The following ZDBF2 variants were observed in gnomAD, a reference collection of about 807,000 sequenced individuals.
ZDBF2 encodes the protein zinc finger DBF-type containing 2.
ZDBF2 carries 6 observed loss-of-function variants against 9.4 expected under a neutral mutation model. The ratio of observed to expected loss-of-function variants is 0.64; its 90% confidence interval spans 0.35 to 1.27. The LOEUF is 1.27. Among genes scored for constraint, ZDBF2 ranks in the 50% most tolerant of loss-of-function variants. The probability of loss-of-function intolerance (pLI) is 0.03; values close to 1 mark genes in which losing one functional copy is unlikely to be tolerated. For synonymous variants in ZDBF2, 905 were observed against 946.3 expected (o/e 0.96, Z 0.80); for missense variants, 2,697 against 2,766.8 (o/e 0.97, Z 0.57).
intron 3 of ZDBF2, among the ~76,000 whole-genome samples, chr2:206,288,323 C>T (rs1197846650): frequency 6.6e-6 from 1 of 152,174 alleles, no homozygotes. Context: ...TCAGTTTCTT[C>T]AGCTGTGTTC....
chr2:206,290,382 T>C (rs1468842193), intron 3 of ZDBF2, among the ~76,000 whole-genome samples: 1 of 152,220 alleles, frequency 6.6e-6, no homozygotes, highest in African/African-American at 2.4e-5. Flanking sequence ...TGTTAGTTTC[T>C]GCAGAAAAGC....
Position 206,310,373 on chromosome 2 carries a change from A to G in ZDBF2, c.5845A>G (p.Ser1949Gly). 1 of 1,613,938 alleles carries G rather than the reference A, an allele frequency of 6.2e-7. No homozygotes were observed. Among genetic ancestry groups the G allele is most frequent in the East Asian group, 2.2e-5 (1 of 44,880 alleles). ...TAKISHSTQT[S>G]CKNYPVMKRK... ...GAAAATCAGCCATAGTACTCAGACCAGTTGTAAGAATTACCCAGTGATGAA... is the reference window on the plus strand; with the variant it reads ...GAAAATCAGCCATAGTACTCAGACCGGTTGTAAGAATTACCCAGTGATGAA... The change falls in exon 5 of 5, where the codon AGT (serine) becomes GGT (glycine). Residue 1949 changes from serine (S) to glycine (G), a missense_variant. Physicochemically the swap from Ser to Gly is moderately conservative, Grantham distance 56 (BLOSUM62 0). This residue lies in a region of ZDBF2 where 1,783 missense variants were observed against 1,776.5 expected (regional missense o/e 1.00). Coordinates refer to ENST00000374423, the MANE Select transcript of ZDBF2 (RefSeq NM_020923.3).
intron 1 of ZDBF2, among the ~76,000 whole-genome samples, chr2:206,275,297 G>A (rs1014156767): frequency 6.6e-6 from 1 of 152,036 alleles, no homozygotes; most frequent in African/African-American, 2.4e-5. Context: ...ATTGAGGGCC[G>A]GGAACCCGCG....
In ZDBF2 at chr2:206,293,597, T is replaced by C. The variant is rs191824066; in HGVS notation, c.61-3649T>C. Among the ~76,000 whole-genome samples the C allele has an allele frequency of 8.9e-4, 136 of 152,150 alleles. 1 individual carries two copies. The highest frequency in any genetic ancestry group is 1.0e-4 in the Non-Finnish European group (7 of 67,976). ...AAGTCCATAAGGAAGAGACAGAACA[T>C]CCATTTGAAAAACAGAGAGACTTGA... On this transcript the variant is annotated intron_variant, in intron 3 of 4. Transcript: ENST00000374423.
At chr2:206,302,485 A>T (rs2105942851) in intron 4 of ZDBF2, among the ~76,000 whole-genome samples, 1 of 152,152 alleles carries the variant, frequency 6.6e-6, no homozygotes, top group South Asian at 2.1e-4. Context: ...CCTTCTTGGG[A>T]TTTTACCAGC....
rs1479754610 is a variant in ZDBF2 at position 206,307,594 on chromosome 2, CAG to C, written c.3068_3069del (p.Arg1023LysfsTer11). The C allele has an allele frequency of 1.2e-6, 2 of 1,612,104 alleles. No individual in the cohort carries two copies. Among genetic ancestry groups the C allele is most frequent in the Non-Finnish European group, 1.7e-6 (2 of 1,179,342 alleles). On this transcript the variant is annotated frameshift_variant, in exon 5 of 5. Transcript: ENST00000374423. LOFTEE classifies it low-confidence loss of function (END_TRUNC). ...EPQVAVNKIN[R>X]KKQYVLENKN... Reference sequence around the variant, plus strand: ...CTCAAGTAGCTGTTAACAAAATAAACAGAAAGAAGCAATATGTTCTAGAAAAC... The same window carrying C: ...CTCAAGTAGCTGTTAACAAAATAAACAAAGAAGCAATATGTTCTAGAAAAC...
intron 1 of ZDBF2, among the ~76,000 whole-genome samples, chr2:206,277,254 T>C (rs1218466364): frequency 6.6e-6 from 1 of 151,942 alleles, no homozygotes; most frequent in East Asian, 1.9e-4. Flanking sequence ...GAAATATTTT[T>C]ATCCATGTTT....
In ZDBF2 at chr2:206,306,390, G is replaced by T; in HGVS notation, c.1862G>T (p.Ser621Ile). 1 of 1,613,818 alleles carries T rather than the reference G, an allele frequency of 6.2e-7. No individual in the cohort carries two copies. Among genetic ancestry groups the T allele is most frequent in the East Asian group, 2.2e-5 (1 of 44,878 alleles). ...AAACATAAGAAGCGTAAACCCAGTA[G>T]TGCTAAAGCACATCTTGATTGTGAT... ...HLKHKKRKPS[S>I]AKAHLDCDVS... The change falls in exon 5 of 5, where the codon AGT (serine) becomes ATT (isoleucine). Residue 621 changes from serine to isoleucine, a missense_variant. Physicochemically the swap from Ser to Ile is moderately radical, Grantham distance 142. Around this residue, in one of 3 missense-constraint regions of ZDBF2, gnomAD observed 910 missense variants for 973.6 expected, o/e 0.93. Transcript: ENST00000374423.
intron 1 of ZDBF2, 117 bp from the exon 2 acceptor site, chr2:206,279,423 T>A (rs941964414): frequency 2.6e-5 from 4 of 152,194 alleles, no homozygotes; most frequent in Admixed American, 6.5e-5. Flanking sequence ...AGTTAATATT[T>A]TTTCTTATAT....
Position 206,305,860 on chromosome 2 carries a change from AT to A in ZDBF2, c.1333del (p.Ser445LeufsTer6). 1 of 1,613,002 alleles carries A rather than the reference AT, an allele frequency of 6.2e-7. No homozygotes were observed. The highest frequency in any genetic ancestry group is 8.5e-7 in the Non-Finnish European group (1 of 1,179,432). ...RTDVQYKNNK[S>X]YVSKISSDCD... ...CTGATGTACAGTATAAGAATAATAA[AT>A]CTTATGTTTCTAAAATAAGTTCTGA... On this transcript the variant is annotated frameshift_variant, in exon 5 of 5. Coordinates refer to ENST00000374423, the MANE Select transcript of ZDBF2 (RefSeq NM_020923.3). LOFTEE classifies it low-confidence loss of function (END_TRUNC).
chr2:206,276,581 C>CT (rs1691016026), intron 1 of ZDBF2, among the ~76,000 whole-genome samples: 1 of 152,158 alleles, frequency 6.6e-6, no homozygotes, highest in African/African-American at 2.4e-5. Flanking sequence ...GAGGAAGTGT[C>CT]TAAGTCGTTA....
chr2:206,306,848 C>T lies in ZDBF2; in HGVS notation c.2320C>T (p.Arg774Trp), dbSNP rs544074324. The change falls in exon 5 of 5, where the codon CGG becomes TGG. Residue 774 changes from arginine to tryptophan, a missense_variant. Physicochemically the swap from Arg to Trp is moderately radical, Grantham distance 101. Transcript: ENST00000374423. ...TCATCTGGATGCTGAAGGAAAAGAA[C>T]GGCACATTGACCTGGAAGATGAGAG... The part of the protein sequence containing the change: ...QSHLDAEGKE[R>W]HIDLEDESCE... 2.0e-5 allele frequency: 33 copies of T among 1,613,784 alleles called. 1 individual carries two copies. Among genetic ancestry groups the T allele is most frequent in the South Asian group, 3.3e-5 (3 of 91,086 alleles).
chr2:206,297,187 G>A (rs1457763931), intron 3 of ZDBF2, 59 bp from the exon 4 acceptor site: 6 of 658,246 alleles, frequency 9.1e-6, no homozygotes, highest in East Asian at 6.1e-5. Flanking sequence ...CCATTTTGTC[G>A]AACTCTCACT....
Position 206,307,731 on chromosome 2 carries a change from T to A in ZDBF2, c.3203T>A (p.Leu1068Gln). 1 of 1,613,566 alleles carries A rather than the reference T, an allele frequency of 6.2e-7. No individual in the cohort carries two copies. Among genetic ancestry groups the A allele is most frequent in the South Asian group, 1.1e-5 (1 of 90,978 alleles). ...TTTTTGAAGGAAAAACATGTTAATC[T>A]GAAGGACAAAAACAGTAAATCAGGT... ...LAFLKEKHVN[L>Q]KDKNSKSGDS... is the part of the protein sequence containing the mutation. Residue 1068 changes from leucine to glutamine, a missense_variant, in exon 5 of 5, where the codon CTG becomes CAG. By Grantham distance (113) the Leu-to-Gln change is moderately radical (BLOSUM62 -2). Around this residue, in one of 3 missense-constraint regions of ZDBF2, gnomAD observed 1,783 missense variants for 1,776.5 expected, o/e 1.00. Coordinates refer to ENST00000374423, the MANE Select transcript of ZDBF2 (RefSeq NM_020923.3).
At position 206,309,027 on chromosome 2, in the gene ZDBF2, A is replaced by G. The variant is rs370920231; in HGVS notation, c.4499A>G (p.Tyr1500Cys). Residue 1500 changes from tyrosine to cysteine, a missense_variant, in exon 5 of 5, where the codon TAT becomes TGT. Coordinates refer to ENST00000374423, the MANE Select transcript of ZDBF2 (RefSeq NM_020923.3). ...CAACCTAGTGATTCAGAAATGATGT[A>G]TGATTCTGATGTTCCTTTTCAAATA... is the stretch of plus-strand genomic sequence containing the variant. ...TDQPSDSEMM[Y>C]DSDVPFQIVV... 9 of 1,613,808 alleles carry G rather than the reference A, an allele frequency of 5.6e-6. No homozygotes were observed. In the African/African-American group the frequency reaches 1.1e-4, roughly 19 times the overall value.
chr2:206,281,958 A>G, intron 3 of ZDBF2, 49 bp downstream of exon 3: 1 of 1,460,732 alleles, frequency 6.8e-7, no homozygotes, highest in South Asian at 1.3e-5. Context: ...CCTAGTTGTG[A>G]CTTTCTCTTA....
Position 206,308,563 on chromosome 2 carries a change from C to T in ZDBF2, c.4035C>T (p.His1345=). ...TTCAGTCAGTGATAAAACAACCACA[C>T]ATTTTGGAAGAGGAGCATGCCAGTC... ...IPLQSVIKQP[H]ILEEEHASLE... Residue 1345 remains histidine (H), a synonymous_variant, in exon 5 of 5, where the codon CAC becomes CAT. Coordinates refer to ENST00000374423, the MANE Select transcript of ZDBF2 (RefSeq NM_020923.3). 1.2e-6 allele frequency: 2 copies of T among 1,613,520 alleles called. No individual in the cohort carries two copies. The highest frequency in any genetic ancestry group is 1.7e-6 in the Non-Finnish European group (2 of 1,179,802).
rs1693062955 is a variant in ZDBF2, at chr2:206,309,923, A to C, written c.5395A>C (p.Arg1799=). ...CTCTGTTCTCAAGGTTGATTCTGTA[A>C]GGAACCTGAAAAAAGCAAAGGATGT... The part of the protein sequence containing the change: ...SSSVLKVDSV[R]NLKKAKDVIE... The change falls in exon 5 of 5, where the codon AGG becomes CGG. Residue 1799 remains arginine (R), a synonymous_variant. Transcript: ENST00000374423. The C allele has an allele frequency of 1.2e-6, 2 of 1,613,834 alleles. No homozygotes were observed. The highest frequency in any genetic ancestry group is 1.6e-4 in the Middle Eastern group (1 of 6,082).
Position 206,306,224 on chromosome 2 carries a change from G to T in ZDBF2, c.1696G>T (p.Ala566Ser), listed in dbSNP as rs1239139188. The change falls in exon 5 of 5, where the codon GCT becomes TCT. Residue 566 changes from alanine to serine, a missense_variant. Ala to Ser is a moderately conservative substitution (Grantham distance 99, BLOSUM62 1). Around this residue, in one of 3 missense-constraint regions of ZDBF2, gnomAD observed 910 missense variants for 973.6 expected, o/e 0.93. Transcript: ENST00000374423. The stretch of plus-strand genomic sequence containing the variant: ...CACAGAAACAAAACTTCGGAAGAAG[G>T]CTCATACCAGCTTGGTTGATAACTA... ...AVTETKLRKK[A>S]HTSLVDNYGS... The T allele has an allele frequency of 1.2e-6, 2 of 1,613,450 alleles. No individual in the cohort carries two copies. Among genetic ancestry groups the T allele is most frequent in the Admixed American group, 1.7e-5 (1 of 59,904 alleles).
Sources: allele counts gnomAD v4.1 joint callset (sites outside exome capture counted in the v4.1 genomes callset), GRCh38; gene constraint gnomAD v4.1.1; regional missense constraint gnomAD v4.1.1; transcripts MANE v1.5; gene names NCBI Gene and HGNC (gene_info 2026-07-23, HGNC 2026-07-21).